GRM1: variants seen among roughly 807,000 people sequenced by gnomAD.
GRM1 encodes glutamate metabotropic receptor 1.
Under a neutral mutation model 90.9 loss-of-function variants are expected in GRM1, and 33 were observed. That is an observed-to-expected ratio of 0.36 (90% CI 0.28 to 0.49). The LOEUF is 0.49. GRM1 is among the 20% of genes least tolerant of loss of function. The pLI is 0.99. For synonymous variants in GRM1, 700 were observed against 613.2 expected (o/e 1.14, Z -2.09); for missense variants, 1,190 against 1,534.3 (o/e 0.78, Z 3.75).
intron 1 of GRM1, among the ~76,000 whole-genome samples, chr6:146,039,914 T>C (rs1273853896): frequency 6.6e-6 from 1 of 152,004 alleles, no homozygotes; most frequent in African/African-American, 2.4e-5. Context: ...TAGTTTAGGC[T>C]GTTTGAGTTT....
intron 6 of GRM1, among the ~76,000 whole-genome samples, chr6:146,397,306 C>CAAAAAAAA (rs1776980958): frequency 6.6e-6 from 1 of 151,604 alleles, no homozygotes; most frequent in Non-Finnish European, 1.5e-5. Context: ...AACCCCGTCT[C>CAAAAAAAA]TAGTAAAAAT....
At chr6:146,239,446 T>C (rs928089785) in intron 2 of GRM1, among the ~76,000 whole-genome samples, 1 of 152,194 alleles carries the variant, frequency 6.6e-6, no homozygotes, top group Non-Finnish European at 1.5e-5. Flanking sequence ...TGTTTCCCCA[T>C]TGAACTGTGA....
chr6:146,131,131 A>G (rs926620760), intron 1 of GRM1, among the ~76,000 whole-genome samples: 15 of 152,194 alleles, frequency 9.9e-5, no homozygotes, highest in Admixed American at 3.9e-4. Flanking sequence ...CTACTTCTCT[A>G]GGTGCTGATT....
chr6:146,130,746 AG>A (rs1484344318), intron 1 of GRM1, among the ~76,000 whole-genome samples: 1 of 152,118 alleles, frequency 6.6e-6, no homozygotes, highest in Non-Finnish European at 1.5e-5. Flanking sequence ...AGGAAGCAAA[AG>A]GTTTTATCTG....
intron 1 of GRM1, among the ~76,000 whole-genome samples, chr6:146,093,098 A>G (rs1208967176): frequency 1.3e-5 from 2 of 152,104 alleles, no homozygotes; most frequent in African/African-American, 4.8e-5. Flanking sequence ...CTAATTTGGA[A>G]TCTTCCTGAG....
chr6:146,165,422 T>G (rs74480668), intron 2 of GRM1, among the ~76,000 whole-genome samples: 1,862 of 152,264 alleles, frequency 0.012, 78 homozygotes, highest in East Asian at 0.092. Context: ...GGGAAAACTC[T>G]AAAGTTTGCA....
intron 3 of GRM1, among the ~76,000 whole-genome samples, chr6:146,306,444 G>A (rs1783583006): frequency 6.6e-6 from 1 of 152,158 alleles, no homozygotes; most frequent in Admixed American, 6.5e-5. Flanking sequence ...ACAACATAGT[G>A]CCTATTTTTA....
intron 1 of GRM1, among the ~76,000 whole-genome samples, chr6:146,033,152 G>T (rs1459145661): frequency 2.0e-5 from 3 of 152,082 alleles, no homozygotes; most frequent in Non-Finnish European, 4.4e-5. Context: ...AGCTCTGGAG[G>T]CAAATGTTAA....
At chr6:146,071,578 A>G (rs981717893) in intron 1 of GRM1, among the ~76,000 whole-genome samples, 3 of 152,174 alleles carry the variant, frequency 2.0e-5, no homozygotes, top group African/African-American at 7.2e-5. Context: ...AGCATGAAGC[A>G]TTACTAAAAT....
intron 1 of GRM1, among the ~76,000 whole-genome samples, chr6:146,067,881 T>C (rs938938776): frequency 2.6e-5 from 4 of 152,202 alleles, no homozygotes; most frequent in Non-Finnish European, 5.9e-5. Flanking sequence ...AAATGAAATA[T>C]AACTTTTAGA....
chr6:146,056,206 T>C (rs1259506292), intron 1 of GRM1, among the ~76,000 whole-genome samples: 1 of 152,076 alleles, frequency 6.6e-6, no homozygotes, highest in Non-Finnish European at 1.5e-5. Flanking sequence ...CAGGACAATC[T>C]GGACACAGAG....
intron 2 of GRM1, among the ~76,000 whole-genome samples, chr6:146,227,650 C>G (rs766835595): frequency 6.6e-6 from 1 of 152,112 alleles, no homozygotes; most frequent in Admixed American, 6.6e-5. Context: ...TCATATGGAC[C>G]AATCTCAGTA....
At chr6:146,109,137 A>T (rs1403157418) in intron 1 of GRM1, among the ~76,000 whole-genome samples, 1 of 152,238 alleles carries the variant, frequency 6.6e-6, no homozygotes, top group Non-Finnish European at 1.5e-5. Flanking sequence ...TTGCATAAGT[A>T]ATGAGGAGCC....
intron 2 of GRM1, among the ~76,000 whole-genome samples, chr6:146,270,923 T>TTCTC (rs1782125362): frequency 7.9e-6 from 1 of 126,330 alleles, no homozygotes; most frequent in Non-Finnish European, 1.6e-5. Flanking sequence ...CTTCCTTCCT[T>TTCTC]CCTTCCTTCC....
intron 1 of GRM1, among the ~76,000 whole-genome samples, chr6:146,062,492 CAATAAAATAAAATAAAATAA>C (rs55760038): frequency 8.2e-5 from 12 of 145,730 alleles, no homozygotes; most frequent in African/African-American, 1.6e-4. Flanking sequence ...TAAAGTATAA[CAATAAAATAAAATAAAATAA>C]AATAAAATAA....
intron 2 of GRM1, among the ~76,000 whole-genome samples, chr6:146,267,680 G>GGGCTGGGCTGGGCTGGGCTC: frequency 1.1e-5 from 1 of 91,162 alleles, no homozygotes; most frequent in Non-Finnish European, 1.9e-5. Context: ...GGGCTGGGCT[G>GGGCTGGGCTGGGCTGGGCTC]GGCTCGGCTC....
intron 1 of GRM1, among the ~76,000 whole-genome samples, chr6:146,071,806 T>C (rs888264436): frequency 8.5e-5 from 13 of 152,162 alleles, no homozygotes; most frequent in Non-Finnish European, 1.6e-4. Context: ...TGTATTTGGT[T>C]AGGGCAAGGA....
chr6:146,384,336 T>G, intron 5 of GRM1, among the ~76,000 whole-genome samples: 1 of 152,212 alleles, frequency 6.6e-6, no homozygotes, highest in Non-Finnish European at 1.5e-5. Context: ...ATTTTCCAAC[T>G]TCCAGCAGCC....
At chr6:146,333,912 A>G (rs1011501752) in intron 3 of GRM1, among the ~76,000 whole-genome samples, 1 of 152,174 alleles carries the variant, frequency 6.6e-6, no homozygotes, top group South Asian at 2.1e-4. Flanking sequence ...AAAAAAAATG[A>G]TGAAATCTGA....
Sources: allele counts gnomAD v4.1 joint callset (sites outside exome capture counted in the v4.1 genomes callset), GRCh38; gene constraint gnomAD v4.1.1; transcripts MANE v1.5; gene names NCBI Gene and HGNC (gene_info 2026-07-23, HGNC 2026-07-21).